The following PCDH11X variants were observed in gnomAD, a reference collection of about 807,000 sequenced individuals.
PCDH11X encodes the protein protocadherin-11 X-linked.
Under a neutral mutation model 53.3 loss-of-function variants are expected in PCDH11X, and 18 were observed. That is an observed-to-expected ratio of 0.34 (90% CI 0.23 to 0.50). The LOEUF is 0.50. PCDH11X is among the 20% of genes least tolerant of loss of function. The probability of loss-of-function intolerance (pLI) is 0.98; values close to 1 mark genes in which losing one functional copy is unlikely to be tolerated. For missense variants in PCDH11X, 570 were observed against 1,032.4 expected (o/e 0.55, Z 6.14); for synonymous variants, 279 against 393.3 (o/e 0.71, Z 3.44).
Position 92,618,307 on chromosome X carries a change from C to T in PCDH11X, c.3411C>T (p.Asp1137=). Residue 1137 remains aspartate (D), a synonymous_variant, in exon 11 of 11, where the codon GAC becomes GAT. Transcript: ENST00000682573. Reference sequence around the variant, plus strand: ...AACCAACTGTGGAAGAGGCCTCTGACAACTGCACTCAAGAATGTCTCATCT... The same window carrying T: ...AACCAACTGTGGAAGAGGCCTCTGATAACTGCACTCAAGAATGTCTCATCT... The part of the protein sequence containing the change: ...TVQPTVEEAS[D]NCTQECLIYG... 1 of 1,209,708 alleles carries T rather than the reference C, an allele frequency of 8.3e-7. No homozygotes were observed. The highest frequency in any genetic ancestry group is 1.1e-6 in the Non-Finnish European group (1 of 894,250).
At chrX:92,588,233 A>T (rs2148794668) in intron 10 of PCDH11X, among the ~76,000 whole-genome samples, 1 of 92,539 alleles carries the variant, frequency 1.1e-5, no homozygotes, top group East Asian at 3.3e-4. Context: ...ACTAAAAAAT[A>T]TATATTTAAA....
chrX:92,491,619 GTATAC>G (rs1463382935), intron 10 of PCDH11X, among the ~76,000 whole-genome samples: 2 of 110,094 alleles, frequency 1.8e-5, no homozygotes, highest in Non-Finnish European at 3.8e-5. Flanking sequence ...TAAACTTTTT[GTATAC>G]TATACAATAA....
At chrX:92,214,518 A>T (rs752048724) in intron 7 of PCDH11X, among the ~76,000 whole-genome samples, 1 of 111,671 alleles carries the variant, frequency 9.0e-6, no homozygotes, top group Admixed American at 9.6e-5. Context: ...TTCTTGTAGA[A>T]TTGCCATGAA....
At chrX:92,543,571 GT>G (rs1054836435) in intron 10 of PCDH11X, among the ~76,000 whole-genome samples, 8 of 108,223 alleles carry the variant, frequency 7.4e-5, no homozygotes, top group African/African-American at 2.7e-4. Context: ...CATGAAATTG[GT>G]ATCAGGGTCA....
intron 10 of PCDH11X, among the ~76,000 whole-genome samples, chrX:92,477,625 C>A (rs1422896275): frequency 1.8e-5 from 1 of 55,351 alleles, no homozygotes; most frequent in Non-Finnish European, 3.2e-5. Flanking sequence ...AGGTCCAAGA[C>A]AAAGTTCCCT....
chrX:92,010,575 A>C lies in PCDH11X; in HGVS notation c.3033+131302A>C, dbSNP rs1163341248. Among the ~76,000 whole-genome samples the C allele has an allele frequency of 1.1e-3, 118 of 110,880 alleles. 2 individuals are homozygous for C. Among genetic ancestry groups the C allele is most frequent in the Non-Finnish European group, 3.4e-4 (18 of 53,009 alleles). Reference sequence around the variant, plus strand: ...ATTACCTCATTAATTCATAATCCACACAGTTTTCCATGTGTACAGAACACT... The same window carrying C: ...ATTACCTCATTAATTCATAATCCACCCAGTTTTCCATGTGTACAGAACACT... On this transcript the variant is annotated intron_variant, in intron 6 of 10. Coordinates refer to ENST00000682573, the MANE Select transcript of PCDH11X (RefSeq NM_032968.5).
intron 6 of PCDH11X, among the ~76,000 whole-genome samples, chrX:92,154,614 G>T (rs1370828297): frequency 1.8e-5 from 2 of 109,765 alleles, no homozygotes; most frequent in Non-Finnish European, 3.8e-5. Context: ...AGACCCTAGT[G>T]GGCAGACACA....
chrX:91,976,962 G>C (rs1237919946), intron 6 of PCDH11X, among the ~76,000 whole-genome samples: 1 of 109,836 alleles, frequency 9.1e-6, no homozygotes, highest in Non-Finnish European at 1.9e-5. Flanking sequence ...GATAACTACT[G>C]GTATTCAATC....
Position 91,968,219 on chromosome X carries a change from T to G in PCDH11X, c.3033+88946T>G, listed in dbSNP as rs2061894743. 2.7e-5 allele frequency among the ~76,000 whole-genome samples: 3 copies of G among 111,993 alleles called. No homozygotes were observed. In the Admixed American group the frequency reaches 2.8e-4, roughly 11 times the overall value. ...TTTTTTCTGCAGAGTGGATTTAGGA[T>G]GAAAGGTTAAGTTTTCTTTATATTT... is the stretch of plus-strand genomic sequence containing the variant. On this transcript the variant is annotated intron_variant, in intron 6 of 10. Coordinates refer to ENST00000682573, the MANE Select transcript of PCDH11X (RefSeq NM_032968.5).
chrX:91,946,903 A>G (rs1488034114), intron 6 of PCDH11X, among the ~76,000 whole-genome samples: 1 of 107,079 alleles, frequency 9.3e-6, no homozygotes, highest in Non-Finnish European at 1.9e-5. Flanking sequence ...TTTTTGTATT[A>G]TGAGCATGTG....
At chrX:92,455,648 A>C (rs1202771928) in intron 9 of PCDH11X, among the ~76,000 whole-genome samples, 1 of 38,074 alleles carries the variant, frequency 2.6e-5, no homozygotes, top group African/African-American at 1.1e-4. Flanking sequence ...TTAAAAAAAG[A>C]ATTAGGAAGT....
At chrX:92,408,621 C>G (rs1186493219) in intron 9 of PCDH11X, among the ~76,000 whole-genome samples, 1 of 110,863 alleles carries the variant, frequency 9.0e-6, no homozygotes, top group East Asian at 2.8e-4. Context: ...CTCTGTTGCT[C>G]AGGCTGGAGT....
chrX:92,596,713 T>C (rs1925645481), intron 10 of PCDH11X, among the ~76,000 whole-genome samples: 1 of 108,851 alleles, frequency 9.2e-6, no homozygotes, highest in Admixed American at 9.9e-5. Flanking sequence ...TCTACGAATC[T>C]AATATTAGCA....
intron 1 of PCDH11X, among the ~76,000 whole-genome samples, chrX:91,790,415 A>G (rs1226800326): frequency 1.8e-5 from 2 of 112,449 alleles, no homozygotes; most frequent in Admixed American, 9.4e-5. Context: ...ATAGACCCCT[A>G]AAGATATTGG....
chrX:92,055,882 A>G (rs1448818590), intron 6 of PCDH11X, among the ~76,000 whole-genome samples: 3 of 110,956 alleles, frequency 2.7e-5, no homozygotes, highest in Non-Finnish European at 5.7e-5. Flanking sequence ...AAAGGACATG[A>G]CCTTTTTTAT....
intron 6 of PCDH11X, among the ~76,000 whole-genome samples, chrX:92,012,762 G>T (rs2062714543): frequency 9.0e-6 from 1 of 111,298 alleles, no homozygotes. Context: ...GAGATATTGT[G>T]GGTTTGATTT....
chrX:92,326,874 T>A (rs180831706), intron 8 of PCDH11X, among the ~76,000 whole-genome samples: 3,777 of 106,634 alleles, frequency 0.035, 197 homozygotes, highest in East Asian at 0.27. Context: ...ACAGAAATTA[T>A]TAGAAATGCC....
At chrX:92,541,148 GC>G (rs778621418) in intron 10 of PCDH11X, among the ~76,000 whole-genome samples, 3 of 108,907 alleles carry the variant, frequency 2.8e-5, no homozygotes, top group Non-Finnish European at 3.8e-5. Flanking sequence ...GTCCTACACT[GC>G]CTTTCAGGTT....
At chrX:92,167,033 T>A (rs4021811) in intron 6 of PCDH11X, among the ~76,000 whole-genome samples, 41,480 of 108,747 alleles carry the variant, frequency 0.38, 6,289 homozygotes, top group East Asian at 0.65. Context: ...AACATTAAAA[T>A]TAATACTTTC....
Sources: allele counts gnomAD v4.1 joint callset (sites outside exome capture counted in the v4.1 genomes callset), GRCh38; gene constraint gnomAD v4.1.1; transcripts MANE v1.5; gene names NCBI Gene and HGNC (gene_info 2026-07-23, HGNC 2026-07-21).